Variants in ZNF564 observed in about 807,000 individuals in gnomAD.
ZNF564 encodes zinc finger protein 564.
ZNF564 carries 5 observed loss-of-function variants against 10.5 expected under a neutral mutation model. The ratio of observed to expected loss-of-function variants is 0.48; its 90% CI spans 0.25 to 1.00. The LOEUF is 1.00. ZNF564 is among the 50% of genes least tolerant of loss of function. The pLI, the probability that ZNF564 is intolerant of heterozygous loss-of-function variation, is 0.16. For synonymous variants in ZNF564, 242 were observed against 218.1 expected (o/e 1.11, Z -0.97); for missense variants, 603 against 669.7 (o/e 0.90, Z 1.10).
intron 3 of ZNF564, 125 bp downstream of exon 3, chr19:12,528,179 T>C: frequency 9.7e-7 from 1 of 1,026,976 alleles, no homozygotes; most frequent in Non-Finnish European, 1.4e-6. Flanking sequence ...CTTTTTCTTT[T>C]TCTGGTGAAA....
At chr19:12,545,092 C>T (rs1325139052) in intron 1 of ZNF564, among the ~76,000 whole-genome samples, 1 of 151,972 alleles carries the variant, frequency 6.6e-6, no homozygotes, top group Non-Finnish European at 1.5e-5. Context: ...AACCCCCCGT[C>T]TCTACTAAAA....
Position 12,527,044 on chromosome 19 carries a change from T to C in ZNF564, c.1064A>G (p.His355Arg). 1 of 1,614,164 alleles carries C rather than the reference T, an allele frequency of 6.2e-7. No individual in the cohort carries two copies. ...CTTCTCTCCAGTGTGAGTCCTTTCA[T>C]GTGTTCGAACATTACTGGAAGAACT... The part of the protein sequence containing the change: ...TFSSSSNVRT[H>R]ERTHTGEKPY... The change falls in exon 4 of 4, where the codon CAT (histidine) becomes CGT (arginine). Residue 355 changes from histidine to arginine, a missense_variant. Transcript: ENST00000339282.
chr19:12,548,668 G>A (rs989545611), intron 1 of ZNF564: 21 of 621,352 alleles, frequency 3.4e-5, no homozygotes, highest in Admixed American at 2.6e-4. Context: ...GCTTAAACAT[G>A]AAAAGCACAT....
intron 1 of ZNF564, among the ~76,000 whole-genome samples, chr19:12,550,922 G>A (rs1051053965): frequency 1.3e-5 from 2 of 152,202 alleles, no homozygotes; most frequent in Non-Finnish European, 2.9e-5. Context: ...AAGACTCGGA[G>A]GAAGACCAGT....
chr19:12,528,034 G>C, intron 3 of ZNF564, 118 bp from the exon 4 acceptor site: 1 of 1,157,430 alleles, frequency 8.6e-7, no homozygotes, highest in Non-Finnish European at 1.2e-6. Flanking sequence ...TGTATGAATT[G>C]TTTGAAAGTG....
At chr19:12,548,794 T>C (rs2145099358) in intron 1 of ZNF564, 1 of 702,804 alleles carries the variant, frequency 1.4e-6, no homozygotes, top group South Asian at 1.5e-5. Context: ...CTGATAGGAT[T>C]TAGCATTAAT....
intron 1 of ZNF564, among the ~76,000 whole-genome samples, chr19:12,547,682 C>A (rs999801239): frequency 2.0e-5 from 3 of 152,132 alleles, no homozygotes; most frequent in Non-Finnish European, 4.4e-5. Flanking sequence ...GGGATGCCTG[C>A]CAAGTTCTAC....
intron 1 of ZNF564, among the ~76,000 whole-genome samples, chr19:12,536,256 A>T (rs1050971467): frequency 2.6e-5 from 4 of 152,146 alleles, no homozygotes; most frequent in African/African-American, 9.7e-5. Context: ...AGCTCACTGC[A>T]GCCTCAACCT....
In ZNF564 at chr19:12,527,400, A is replaced by G. The variant is rs756049721; in HGVS notation, c.708T>C (p.Ser236=). Residue 236 remains serine, a synonymous_variant, in exon 4 of 4, where the codon TCT becomes TCC. Coordinates refer to ENST00000339282, the MANE Select transcript of ZNF564 (RefSeq NM_144976.4). ...TCATGTGTCTTTGAAAACTTGGAAG[A>G]GAAATGAAAGCTTTTGCACATTCCT... ...ECQECAKAFI[S]LPSFQRHMIR... The G allele has an allele frequency of 3.7e-6, 6 of 1,614,106 alleles. No homozygotes were observed. The highest frequency in any genetic ancestry group is 5.1e-6 in the Non-Finnish European group (6 of 1,179,996).
At chr19:12,532,680 C>T (rs985963998) in intron 1 of ZNF564, among the ~76,000 whole-genome samples, 22 of 150,422 alleles carry the variant, frequency 1.5e-4, no homozygotes, top group Non-Finnish European at 2.7e-4. Flanking sequence ...TATATGATCA[C>T]ACCACTGCAT....
intron 1 of ZNF564, among the ~76,000 whole-genome samples, chr19:12,538,351 C>A (rs543821178): frequency 7.3e-5 from 11 of 151,454 alleles, no homozygotes; most frequent in Non-Finnish European, 1.3e-4. Flanking sequence ...TTTGGCCAGG[C>A]GCAGTGGCTC....
At position 12,540,410 on chromosome 19, in the gene ZNF564, T is replaced by C. The variant is rs1032373347; in HGVS notation, c.3+10920A>G. Among the ~76,000 whole-genome samples the C allele has an allele frequency of 5.3e-5, 8 of 152,158 alleles. 1 individual carries two copies. The highest frequency in any genetic ancestry group is 7.4e-5 in the Non-Finnish European group (5 of 68,018). On this transcript the variant is annotated intron_variant, in intron 1 of 3. Transcript: ENST00000339282. ...ACTCCGAATTTTGAGCATCAAGCCA[T>C]TGAAGTCAACATTTAAAAGAGAGCA... is the stretch of plus-strand genomic sequence containing the variant.
In ZNF564 at chr19:12,527,920, G is replaced by A; in HGVS notation, c.192-4C>T. ...GAGTCCCTCTTCCATATGATTTCTG[G>A]AAAAAATAGAAAGCAAGATTTAGTG... On this transcript the variant is annotated splice_polypyrimidine_tract_variant and splice_region_variant and intron_variant, in intron 3 of 3. Coordinates refer to ENST00000339282, the MANE Select transcript of ZNF564 (RefSeq NM_144976.4). 4 of 1,565,726 alleles carry A rather than the reference G, an allele frequency of 2.6e-6. 1 individual carries two copies. Among genetic ancestry groups the A allele is most frequent in the South Asian group, 2.4e-5 (2 of 82,998 alleles).
chr19:12,538,196 A>G (rs1337903161), intron 1 of ZNF564, among the ~76,000 whole-genome samples: 1 of 152,070 alleles, frequency 6.6e-6, no homozygotes, highest in African/African-American at 2.4e-5. Flanking sequence ...AGTAAAATAT[A>G]AAATAATATT....
chr19:12,536,662 T>G (rs2021920210), intron 1 of ZNF564, among the ~76,000 whole-genome samples: 1 of 152,124 alleles, frequency 6.6e-6, no homozygotes, highest in Non-Finnish European at 1.5e-5. Context: ...TGTCTAGAAT[T>G]CGGACATGGA....
chr19:12,545,165 G>T (rs1439169550), intron 1 of ZNF564, among the ~76,000 whole-genome samples: 3 of 151,544 alleles, frequency 2.0e-5, no homozygotes, highest in Non-Finnish European at 2.9e-5. Flanking sequence ...AGGAGGCTGA[G>T]GTAGGAGAAT....
intron 1 of ZNF564, chr19:12,533,112 G>GTGTT (rs1428963831): frequency 6.6e-6 from 1 of 152,018 alleles, no homozygotes; most frequent in Non-Finnish European, 1.5e-5. Flanking sequence ...ACCAAATACT[G>GTGTT]GGGCATAAAA....
intron 1 of ZNF564, among the ~76,000 whole-genome samples, chr19:12,529,368 G>C (rs562671583): frequency 4.2e-4 from 64 of 152,106 alleles, no homozygotes; most frequent in Non-Finnish European, 8.5e-4. Context: ...CACTTTGGGA[G>C]GCTGAGGCAA....
chr19:12,536,549 C>A (rs1355934839), intron 1 of ZNF564, among the ~76,000 whole-genome samples: 1 of 152,142 alleles, frequency 6.6e-6, no homozygotes, highest in African/African-American at 2.4e-5. Flanking sequence ...GGTCTTCAGC[C>A]AATGCCTTGT....
Sources: gnomAD v4.1 joint callset for allele counts (sites outside exome capture counted in the v4.1 genomes callset) on GRCh38, gnomAD v4.1.1 for gene constraint, MANE v1.5 for transcripts, NCBI Gene and HGNC (gene_info 2026-07-23, HGNC 2026-07-21) for gene names.